THSD4: variants seen among roughly 807,000 people sequenced by gnomAD.
THSD4 encodes the protein thrombospondin type 1 domain containing 4.
A neutral mutation model predicts 119.0 loss-of-function variants in THSD4; 69 were observed. The observed-to-expected ratio is 0.58, with a 90% confidence interval of 0.48 to 0.71. THSD4 has a LOEUF of 0.71. Ranked by LOEUF, THSD4 falls within the 30% of genes least tolerant of loss-of-function variation. THSD4 has a pLI of 0.00. For missense variants in THSD4, 1,393 were observed against 1,391.1 expected (o/e 1.00, Z -0.02); for synonymous variants, 524 against 540.4 (o/e 0.97, Z 0.42).
chr15:71,371,486 T>C (rs2046047113), intron 6 of THSD4, among the ~76,000 whole-genome samples: 1 of 152,288 alleles, frequency 6.6e-6, no homozygotes, highest in Non-Finnish European at 1.5e-5. Context: ...GGTGACAAAA[T>C]CTCTCAGCAT....
chr15:71,530,416 G>C (rs2048590255), intron 7 of THSD4, among the ~76,000 whole-genome samples: 1 of 152,150 alleles, frequency 6.6e-6, no homozygotes, highest in Non-Finnish European at 1.5e-5. Flanking sequence ...GATTGAAGCA[G>C]GACAGGATAT....
chr15:71,568,876 TTCTC>T (rs1254508610), intron 7 of THSD4, among the ~76,000 whole-genome samples: 3 of 152,230 alleles, frequency 2.0e-5, no homozygotes, highest in Non-Finnish European at 4.4e-5. Flanking sequence ...TTGCTGATCT[TTCTC>T]TCTTTTTTAA....
chr15:71,449,273 T>C (rs2047231266), intron 7 of THSD4, among the ~76,000 whole-genome samples: 1 of 152,210 alleles, frequency 6.6e-6, no homozygotes, highest in Non-Finnish European at 1.5e-5. Context: ...ACACATACAC[T>C]ATTATTCAGT....
At chr15:71,195,498 G>A (rs940332426) in intron 3 of THSD4, among the ~76,000 whole-genome samples, 2 of 152,206 alleles carry the variant, frequency 1.3e-5, no homozygotes, top group Non-Finnish European at 2.9e-5. Flanking sequence ...ACCCCTCTAG[G>A]GGGCACAGAA....
chr15:71,745,390 C>G (rs768316112), intron 12 of THSD4, among the ~76,000 whole-genome samples, 155 bp downstream of exon 12: 14 of 152,210 alleles, frequency 9.2e-5, no homozygotes, highest in Non-Finnish European at 1.6e-4. Flanking sequence ...GCAGGCACAC[C>G]TGTCTTTCAG....
chr15:71,238,195 G>C (rs888258862), intron 4 of THSD4, among the ~76,000 whole-genome samples: 1 of 152,010 alleles, frequency 6.6e-6, no homozygotes, highest in Non-Finnish European at 1.5e-5. Flanking sequence ...AAATATTGTT[G>C]AAACAAATCA....
chr15:71,295,849 A>G (rs1033351110), intron 6 of THSD4, among the ~76,000 whole-genome samples: 5 of 152,180 alleles, frequency 3.3e-5, no homozygotes, highest in African/African-American at 1.2e-4. Flanking sequence ...CAAGTAAGCT[A>G]TGTACTTTCT....
intron 4 of THSD4, among the ~76,000 whole-genome samples, chr15:71,240,667 C>T: frequency 6.6e-6 from 1 of 152,132 alleles, no homozygotes; most frequent in Non-Finnish European, 1.5e-5. Flanking sequence ...TTTTGGTAGA[C>T]TTTCAGATCT....
chr15:71,468,912 TA>T (rs2140634863), intron 7 of THSD4, among the ~76,000 whole-genome samples: 1 of 152,348 alleles, frequency 6.6e-6, no homozygotes, highest in African/African-American at 2.4e-5. Flanking sequence ...TGCCAGAACT[TA>T]GTCACATGAC....
At chr15:71,699,779 T>C (rs927292770) in intron 8 of THSD4, among the ~76,000 whole-genome samples, 6 of 152,160 alleles carry the variant, frequency 3.9e-5, no homozygotes, top group African/African-American at 1.4e-4. Flanking sequence ...GGGGGGCAAA[T>C]TGTAGTCAGT....
At chr15:71,682,864 C>T (rs2051815216) in intron 8 of THSD4, among the ~76,000 whole-genome samples, 2 of 17,960 alleles carry the variant, frequency 1.1e-4, no homozygotes, top group African/African-American at 3.3e-4. Context: ...TACTTTCTTT[C>T]TTTCTTTCTT....
At chr15:71,396,191 C>T (rs962426574) in intron 6 of THSD4, among the ~76,000 whole-genome samples, 4 of 151,948 alleles carry the variant, frequency 2.6e-5, no homozygotes, top group African/African-American at 9.7e-5. Flanking sequence ...CACATATGCC[C>T]TATAAATACA....
At chr15:71,678,243 A>T (rs1208494127) in intron 8 of THSD4, among the ~76,000 whole-genome samples, 1 of 152,246 alleles carries the variant, frequency 6.6e-6, no homozygotes, top group Non-Finnish European at 1.5e-5. Flanking sequence ...ATACAAGCTA[A>T]GCCCCAAGAA....
chr15:71,763,716 A>G (rs923100264), intron 15 of THSD4, among the ~76,000 whole-genome samples: 3 of 151,812 alleles, frequency 2.0e-5, no homozygotes, highest in African/African-American at 7.3e-5. Context: ...AAGTGCTAGG[A>G]TTATAGGAGT....
intron 6 of THSD4, among the ~76,000 whole-genome samples, chr15:71,300,544 A>G (rs1342634759): frequency 6.6e-6 from 1 of 152,240 alleles, no homozygotes; most frequent in Non-Finnish European, 1.5e-5. Flanking sequence ...GAAGTTTCTC[A>G]TCACTTTTCT....
At chr15:71,262,349 A>C (rs1366336831) in intron 6 of THSD4, among the ~76,000 whole-genome samples, 1 of 152,138 alleles carries the variant, frequency 6.6e-6, no homozygotes, top group Non-Finnish European at 1.5e-5. Flanking sequence ...CAGGACAGTG[A>C]TAGTTTATGC....
intron 6 of THSD4, among the ~76,000 whole-genome samples, chr15:71,370,942 G>T (rs2046037777): frequency 1.3e-5 from 2 of 152,196 alleles, no homozygotes; most frequent in Non-Finnish European, 2.9e-5. Flanking sequence ...CTAAGGACTT[G>T]CTTTATGAAT....
At chr15:71,253,548 C>T (rs1317380202) in intron 5 of THSD4, among the ~76,000 whole-genome samples, 1 of 152,068 alleles carries the variant, frequency 6.6e-6, no homozygotes, top group Non-Finnish European at 1.5e-5. Context: ...GCTGAAATCA[C>T]AGGTGCATGC....
chr15:71,578,614 G>A (rs949149670), intron 7 of THSD4, among the ~76,000 whole-genome samples: 4 of 151,924 alleles, frequency 2.6e-5, no homozygotes, highest in African/African-American at 9.7e-5. Context: ...TAGGATTATA[G>A]GCGTAAGCCA....
Sources: gnomAD v4.1 joint callset for allele counts (sites outside exome capture counted in the v4.1 genomes callset) on GRCh38, gnomAD v4.1.1 for gene constraint, MANE v1.5 for transcripts, NCBI Gene and HGNC (gene_info 2026-07-23, HGNC 2026-07-21) for gene names.